Variants in TECPR2 observed in about 807,000 individuals in gnomAD.
TECPR2 encodes the protein tectonin beta-propeller repeat-containing protein 2.
A neutral mutation model predicts 138.1 loss-of-function variants in TECPR2; 65 were observed. The ratio of observed to expected loss-of-function variants is 0.47; its 90% CI spans 0.39 to 0.58. The LOEUF is 0.58. Ranked by LOEUF, TECPR2 falls within the 20% of genes least tolerant of loss-of-function variation. TECPR2 has a pLI of 0.00. For missense variants in TECPR2, 1,553 were observed against 1,824.5 expected (o/e 0.85, Z 2.71); for synonymous variants, 746 against 749.8 (o/e 0.99, Z 0.08).
rs948461336 is a variant in TECPR2, at chr14:102,497,006, C to T, written c.3817C>T (p.His1273Tyr). ...QPAGVSLVSV[H>Y]SSPNDQMLWV... ...CGCCGGGGTCAGCTTGGTCAGCGTC[C>T]ATTCCAGCCCCAACGACCAGATGCT... The change falls in exon 18 of 20, where the codon CAT (histidine) becomes TAT (tyrosine). Residue 1273 changes from histidine (H) to tyrosine (Y), a missense_variant. Coordinates refer to ENST00000359520, the MANE Select transcript of TECPR2 (RefSeq NM_014844.5). 1.9e-6 allele frequency: 3 copies of T among 1,614,112 alleles called. No homozygotes were observed. The Admixed American group carries it at 5.0e-5, about 27-fold the overall frequency.
chr14:102,431,390 T>A (rs1302503539), intron 7 of TECPR2, among the ~76,000 whole-genome samples: 8 of 147,334 alleles, frequency 5.4e-5, no homozygotes, highest in South Asian at 2.2e-4. Flanking sequence ...TTGCCCAGGC[T>A]GGAGTGCAGT....
intron 2 of TECPR2, among the ~76,000 whole-genome samples, chr14:102,386,204 C>T (rs1212391964): frequency 6.6e-6 from 1 of 152,016 alleles, no homozygotes; most frequent in African/African-American, 2.4e-5. Flanking sequence ...CACGGTGGCT[C>T]ACGCCTATAA....
chr14:102,482,047 GT>G (rs141036292), intron 17 of TECPR2, among the ~76,000 whole-genome samples: 2,082 of 150,916 alleles, frequency 0.014, 21 homozygotes, highest in Non-Finnish European at 0.021. Context: ...TGCTCATCTA[GT>G]TTTTTTTCTT....
At chr14:102,371,191 G>A (rs1423357928) in intron 1 of TECPR2, among the ~76,000 whole-genome samples, 1 of 152,142 alleles carries the variant, frequency 6.6e-6, no homozygotes, top group African/African-American at 2.4e-5. Context: ...TCAGTTCTGT[G>A]GCTGTGGGTC....
chr14:102,467,468 G>A (rs1020250531), intron 17 of TECPR2, among the ~76,000 whole-genome samples: 5 of 151,772 alleles, frequency 3.3e-5, no homozygotes, highest in Admixed American at 6.6e-5. Context: ...GAGATTACAG[G>A]CATGCACCAC....
chr14:102,419,953 G>T lies in TECPR2; in HGVS notation c.639-5026G>T, dbSNP rs1478256526. On this transcript the variant is annotated intron_variant, in intron 5 of 19. Transcript: ENST00000359520. The surrounding 1 kb of genome is among the most constrained non-coding windows in gnomAD (Gnocchi z 4.8). ...AGCCAGCAGCCGGTTCTGGAACCCC[G>T]CGACTAGCACATCTGTTTGGATGGC... Among the ~76,000 whole-genome samples, 42 of 152,166 alleles carry T rather than the reference G, an allele frequency of 2.8e-4. No individual in the cohort carries two copies. The highest frequency in any genetic ancestry group is 2.7e-3 in the Admixed American group (41 of 15,280).
At chr14:102,488,048 T>C (rs111507635) in intron 17 of TECPR2, among the ~76,000 whole-genome samples, 1 of 149,800 alleles carries the variant, frequency 6.7e-6, no homozygotes, top group African/African-American at 2.5e-5. Context: ...TTCTCCATAT[T>C]GGTCAGGCTT....
At chr14:102,446,547 A>G (rs544792176) in intron 13 of TECPR2, among the ~76,000 whole-genome samples, 3 of 152,122 alleles carry the variant, frequency 2.0e-5, no homozygotes, top group Admixed American at 6.5e-5. Context: ...TTCAGCCAAG[A>G]TCACACCACC....
At chr14:102,365,556 C>G (rs1304431087) in intron 1 of TECPR2, among the ~76,000 whole-genome samples, 1 of 152,196 alleles carries the variant, frequency 6.6e-6, no homozygotes, top group Non-Finnish European at 1.5e-5. Context: ...GAACGAAGTA[C>G]TGATTTGTGC....
intron 16 of TECPR2, among the ~76,000 whole-genome samples, chr14:102,460,194 C>G (rs966003194): frequency 2.6e-5 from 4 of 151,908 alleles, no homozygotes; most frequent in East Asian, 1.9e-4. Context: ...CGCTTGAACC[C>G]GAGAGGCAGA....
At chr14:102,373,572 C>CG (rs1442417485) in intron 1 of TECPR2, among the ~76,000 whole-genome samples, 4 of 152,118 alleles carry the variant, frequency 2.6e-5, no homozygotes, top group African/African-American at 7.2e-5. Context: ...CAGCTTATGA[C>CG]GGTTTTATTG....
chr14:102,401,176 C>T (rs1393637756), intron 2 of TECPR2, among the ~76,000 whole-genome samples: 2 of 152,102 alleles, frequency 1.3e-5, no homozygotes, highest in Admixed American at 6.6e-5. Flanking sequence ...CAGTGGCTCA[C>T]ACCTGTAATC....
In TECPR2 at chr14:102,362,943, T is replaced by A. The variant is rs1156706789; in HGVS notation, c.-246T>A. ...TCACGTCCGCCCCGCCCGCTGCCAC[T>A]TGTGGCTCTGCCGCTCTAGCCCCCG... On this transcript the variant is annotated 5_prime_UTR_variant, in exon 1 of 20. The change creates a new upstream start codon in the 5' untranslated region. Coordinates refer to ENST00000359520, the MANE Select transcript of TECPR2 (RefSeq NM_014844.5). The A allele has an allele frequency of 6.6e-6, 10 of 1,518,886 alleles. No individual in the cohort carries two copies. The highest frequency in any genetic ancestry group is 9.0e-6 in the Non-Finnish European group (10 of 1,110,414). 94.1% of individuals were successfully genotyped at this position (1,518,886 alleles called of 1,614,324 possible). A position where few individuals can be genotyped will look rare whatever the true frequency, so the allele number is the denominator to read the frequency against.
In TECPR2 at chr14:102,499,222, C is replaced by T. The variant is rs533869006; in HGVS notation, c.*965C>T. On this transcript the variant is annotated 3_prime_UTR_variant, in exon 20 of 20. Transcript: ENST00000359520. The stretch of plus-strand genomic sequence containing the variant: ...GTGGGGGAGCTGAGCAAGGGTCGCT[C>T]ACTTAGAAATGTCTTTGGAATGGTG... 1 of 691,440 alleles carries T rather than the reference C, an allele frequency of 1.4e-6. No individual in the cohort carries two copies. The highest frequency in any genetic ancestry group is 2.7e-6 in the Non-Finnish European group (1 of 376,502). 42.8% of individuals were successfully genotyped at this position (691,440 alleles called of 1,614,324 possible).
chr14:102,407,508 A>G (rs752640433), intron 3 of TECPR2, 42 bp downstream of exon 3: 3 of 1,550,676 alleles, frequency 1.9e-6, no homozygotes, highest in South Asian at 1.2e-5. Flanking sequence ...TTCTTGGCAC[A>G]TTCCTCATGG....
Position 102,372,286 on chromosome 14 carries a change from A to AT in TECPR2, c.-72-4362dup, listed in dbSNP as rs1329219131. Among the ~76,000 whole-genome samples, 4 of 148,436 alleles carry AT rather than the reference A, an allele frequency of 2.7e-5. No homozygotes were observed. The East Asian group carries it at 8.0e-4, about 30-fold the overall frequency. On this transcript the variant is annotated intron_variant, in intron 1 of 19. Transcript: ENST00000359520. ...TTTTCTTTTCTTTTTTTTTTTTGAG[A>AT]TTGAGTTTCACTCTTGTTGCCCAGG...
chr14:102,415,819 G>A lies in TECPR2; in HGVS notation c.638+1026G>A, dbSNP rs1889008655. ...GCAGCTGATGGTCACGGCATGTGGG[G>A]AGGGCTTGAGGCTGGCCCTGTGGAG... On this transcript the variant is annotated intron_variant, in intron 5 of 19. Transcript: ENST00000359520. This position sits in a 1 kb window ranked among gnomAD's most constrained non-coding sequence, Gnocchi z 4.3. 6.6e-6 allele frequency among the ~76,000 whole-genome samples: 1 copy of A among 152,210 alleles called. No individual in the cohort carries two copies. The highest frequency in any genetic ancestry group is 2.1e-4 in the South Asian group (1 of 4,834).
At chr14:102,497,151 C>A (rs369613649) in intron 18 of TECPR2, 31 bp downstream of exon 18, 1 of 1,598,774 alleles carries the variant, frequency 6.3e-7, no homozygotes, top group African/African-American at 1.3e-5. Context: ...CCTGTGGTGC[C>A]GGCCAGCCGG....
intron 1 of TECPR2, among the ~76,000 whole-genome samples, chr14:102,366,455 T>C (rs1464002413): frequency 1.3e-5 from 2 of 152,204 alleles, no homozygotes; most frequent in Non-Finnish European, 2.9e-5. Flanking sequence ...CAAGTGATTC[T>C]CCTGCCTCAG....
Sources: gnomAD v4.1 joint callset for allele counts (sites outside exome capture counted in the v4.1 genomes callset) on GRCh38, gnomAD v4.1.1 for gene constraint, Gnocchi (gnomAD v3.1) non-coding constraint, MANE v1.5 for transcripts, NCBI Gene and HGNC (gene_info 2026-07-23, HGNC 2026-07-21) for gene names.